GNB1: variants seen among roughly 807,000 people sequenced by gnomAD.
GNB1 encodes the protein G protein subunit beta 1, also known as guanine nucleotide-binding protein G(I)/G(S)/G(T) subunit beta-1.
In GNB1, 2 loss-of-function variants were observed where a neutral mutation model predicts 42.9. That is an observed-to-expected ratio of 0.05 (90% CI 0.02 to 0.15). The LOEUF is 0.15. Ranked by LOEUF, GNB1 falls within the 10% of genes least tolerant of loss-of-function variation. The probability of loss-of-function intolerance (pLI) is 1.00; values close to 1 mark genes in which losing one functional copy is unlikely to be tolerated. For synonymous variants in GNB1, 183 were observed against 174.7 expected, an observed-to-expected ratio of 1.05 and a Z score of -0.38; for missense variants, 193 against 462.2, an observed-to-expected ratio of 0.42 and a Z score of 5.34.
chr1:1,819,786 T>C (rs1270810880), intron 3 of GNB1, among the ~76,000 whole-genome samples: 2 of 151,918 alleles, frequency 1.3e-5, no homozygotes, highest in African/African-American at 4.8e-5. Context: ...CAAATGATCC[T>C]TCCCCCTTGG....
At chr1:1,827,342 C>A (rs1031998053) in intron 2 of GNB1, among the ~76,000 whole-genome samples, 1 of 152,196 alleles carries the variant, frequency 6.6e-6, no homozygotes, top group South Asian at 2.1e-4. Flanking sequence ...GGGAGGCAGG[C>A]TGCACAGCAA....
At chr1:1,814,094 C>A (rs767099898) in intron 5 of GNB1, among the ~76,000 whole-genome samples, 1 of 152,154 alleles carries the variant, frequency 6.6e-6, no homozygotes, top group Non-Finnish European at 1.5e-5. Context: ...CCTCCCCCTT[C>A]CCACTTTTAT....
At chr1:1,817,723 C>A in intron 4 of GNB1, 114 bp downstream of exon 4, 2 of 661,060 alleles carry the variant, frequency 3.0e-6, no homozygotes, top group South Asian at 1.8e-5. Context: ...AGTGGCTTGG[C>A]ATCCTCACTG....
intron 5 of GNB1, among the ~76,000 whole-genome samples, chr1:1,813,050 T>C (rs998995687): frequency 1.3e-5 from 2 of 152,188 alleles, no homozygotes; most frequent in African/African-American, 4.8e-5. Context: ...TGCACATCAG[T>C]GTTCCCACAC....
chr1:1,869,075 A>C (rs932447148), intron 1 of GNB1, among the ~76,000 whole-genome samples: 1 of 148,422 alleles, frequency 6.7e-6, no homozygotes, highest in African/African-American at 2.5e-5. Flanking sequence ...AGTCCCAGCT[A>C]CCTGGGAGGC....
At chr1:1,806,338 A>C in intron 6 of GNB1, 137 bp downstream of exon 6, 1 of 587,754 alleles carries the variant, frequency 1.7e-6, no homozygotes, top group Non-Finnish European at 3.1e-6. Context: ...CACCTGCGCA[A>C]CTTCACTACT....
chr1:1,810,634 C>T (rs1646763014), intron 5 of GNB1, among the ~76,000 whole-genome samples: 1 of 149,160 alleles, frequency 6.7e-6, no homozygotes, highest in Admixed American at 6.7e-5. Context: ...ACATACATAA[C>T]AAGTAATCAT....
intron 1 of GNB1, among the ~76,000 whole-genome samples, chr1:1,845,006 T>C (rs1309279174): frequency 6.6e-6 from 1 of 152,200 alleles, no homozygotes; most frequent in African/African-American, 2.4e-5. Flanking sequence ...GAAATAATAC[T>C]GAACTTAATG....
intron 8 of GNB1, among the ~76,000 whole-genome samples, chr1:1,792,617 G>A (rs563705280): frequency 3.7e-4 from 55 of 146,876 alleles, no homozygotes; most frequent in African/African-American, 1.3e-3. Flanking sequence ...AGAATTGCTT[G>A]AATCTGGGAG....
chr1:1,807,990 G>A (rs1646724527), intron 5 of GNB1, among the ~76,000 whole-genome samples: 1 of 151,208 alleles, frequency 6.6e-6, no homozygotes, highest in Non-Finnish European at 1.5e-5. Flanking sequence ...ATTACAGGCG[G>A]GAGCCACCAC....
chr1:1,795,684 C>G (rs544077702), intron 7 of GNB1, among the ~76,000 whole-genome samples: 35 of 152,224 alleles, frequency 2.3e-4, no homozygotes, highest in Non-Finnish European at 5.0e-4. Flanking sequence ...ACCCAGGAGG[C>G]AGAGGTTGCA....
At chr1:1,855,213 T>TG (rs1648208275) in intron 1 of GNB1, among the ~76,000 whole-genome samples, 2 of 146,702 alleles carry the variant, frequency 1.4e-5, no homozygotes, top group African/African-American at 5.0e-5. Context: ...CCCAGTTACT[T>TG]GGGAGGCTGA....
At chr1:1,793,165 T>C in intron 8 of GNB1, 80 bp downstream of exon 8, 2 of 815,680 alleles carry the variant, frequency 2.5e-6, no homozygotes, top group Middle Eastern at 4.6e-4. Context: ...TCAAGAACCT[T>C]ATTTCCTCCA....
chr1:1,853,818 C>G (rs1483056023), intron 1 of GNB1, among the ~76,000 whole-genome samples: 1 of 152,140 alleles, frequency 6.6e-6, no homozygotes, highest in Non-Finnish European at 1.5e-5. Context: ...TGGTGCCAGG[C>G]ACCAGTTTAG....
intron 1 of GNB1, among the ~76,000 whole-genome samples, chr1:1,887,750 G>T (rs536276800): frequency 1.3e-5 from 2 of 152,192 alleles, no homozygotes; most frequent in South Asian, 4.2e-4. Context: ...CGAGTAGCTG[G>T]GATTACAGGC....
At chr1:1,812,381 CAT>C in intron 5 of GNB1, among the ~76,000 whole-genome samples, 1 of 139,078 alleles carries the variant, frequency 7.2e-6, no homozygotes, top group Admixed American at 7.8e-5. Flanking sequence ...TATAGATATA[CAT>C]GTATATATAT....
chr1:1,794,329 C>G (rs1646519338), intron 7 of GNB1: 1 of 152,128 alleles, frequency 6.6e-6, no homozygotes, highest in South Asian at 2.1e-4. Flanking sequence ...CCCGGCAGTT[C>G]AAGTTGTTAA....
intron 1 of GNB1, among the ~76,000 whole-genome samples, chr1:1,861,110 CAAAAA>C (rs34626560): frequency 9.3e-6 from 1 of 107,022 alleles, no homozygotes; most frequent in Non-Finnish European, 1.7e-5. Flanking sequence ...CTCTGTCTCA[CAAAAA>C]AAAAAAAAAA....
At chr1:1,845,776 A>G (rs1304280244) in intron 1 of GNB1, among the ~76,000 whole-genome samples, 1 of 146,090 alleles carries the variant, frequency 6.8e-6, no homozygotes. Context: ...GACAATGGAA[A>G]TTCTCTATAC....
Sources: allele counts gnomAD v4.1 joint callset (sites outside exome capture counted in the v4.1 genomes callset), GRCh38; gene constraint gnomAD v4.1.1; transcripts MANE v1.5; gene names NCBI Gene and HGNC (gene_info 2026-07-23, HGNC 2026-07-21).